Variants in DDN observed in about 807,000 individuals in gnomAD.
DDN encodes the protein dendrin.
DDN carries 4 observed loss-of-function variants against 7.3 expected under a neutral mutation model. The observed-to-expected ratio is 0.55, with a 90% CI of 0.27 to 1.25. DDN has a LOEUF of 1.25. Ranked by LOEUF, DDN falls within the 50% of genes most tolerant of loss-of-function variation. The pLI is 0.12. For synonymous variants in DDN, 425 were observed against 424.3 expected (o/e 1.00, Z -0.02); for missense variants, 933 against 974.7 (o/e 0.96, Z 0.57).
rs766654709 is a variant in DDN at position 48,997,687 on chromosome 12, G to T, written c.1189C>A (p.His397Asn). 1.9e-6 allele frequency: 3 copies of T among 1,571,880 alleles called. No individual in the cohort carries two copies. The South Asian group carries it at 3.6e-5, about 19-fold the overall frequency. The part of the protein sequence containing the change: ...IPSPKKQPPR[H>N]SQTLPRPWAP... The stretch of plus-strand genomic sequence containing the variant: ...CAGGGTCTGGGGAGTGTCTGGCTAT[G>T]GCGGGGCGGCTGCTTTTTAGGGGAG... The change falls in exon 2 of 2, where the codon CAT becomes AAT. Residue 397 changes from histidine to asparagine, a missense_variant. Physicochemically the swap from His to Asn is moderately conservative, Grantham distance 68. Coordinates refer to ENST00000421952, the MANE Select transcript of DDN (RefSeq NM_015086.2).
Position 48,998,207 on chromosome 12 carries a change from C to T in DDN, c.669G>A (p.Arg223=). 3.1e-6 allele frequency: 5 copies of T among 1,612,688 alleles called. No individual in the cohort carries two copies. The highest frequency in any genetic ancestry group is 3.4e-6 in the Non-Finnish European group (4 of 1,179,764). ...AAGGTGGAGCCACGTAGGGTGGCGGCCGGTCCCAGCGGCGTCGTGGGGCGG... is the reference window on the plus strand; with the variant it reads ...AAGGTGGAGCCACGTAGGGTGGCGGTCGGTCCCAGCGGCGTCGTGGGGCGG... ...AGTAPRRRWD[R]PPPYVAPPSY... The change falls in exon 2 of 2, where the codon CGG becomes CGA. Residue 223 remains arginine (R), a synonymous_variant. Coordinates refer to ENST00000421952, the MANE Select transcript of DDN (RefSeq NM_015086.2).
In DDN at chr12:48,997,358, A is replaced by G. The variant is rs757109267; in HGVS notation, c.1518T>C (p.Phe506=). Residue 506 remains phenylalanine, a synonymous_variant, in exon 2 of 2, where the codon TTT becomes TTC. Transcript: ENST00000421952. The stretch of plus-strand genomic sequence containing the variant: ...ACAGCCGCTTTTGACAAGGGGAAGG[A>G]AAGACCGTGGCCCCTTCACCCTCCT... The part of the protein sequence containing the change: ...GKEEGEGATV[F]PSPCQKRLSS... The G allele has an allele frequency of 2.3e-5, 37 of 1,612,310 alleles. No homozygotes were observed. The African/African-American group carries it at 3.5e-4, about 15-fold the overall frequency.
Position 48,998,011 on chromosome 12 carries a change from G to A in DDN, c.865C>T (p.Gln289Ter). 1 of 1,613,612 alleles carries A rather than the reference G, an allele frequency of 6.2e-7. No individual in the cohort carries two copies. Among genetic ancestry groups the A allele is most frequent in the Non-Finnish European group, 8.5e-7 (1 of 1,180,022 alleles). The change falls in exon 2 of 2, where the codon CAG becomes TAG. Residue 289 changes from glutamine to a stop codon, truncating the protein, a stop_gained. Coordinates refer to ENST00000421952, the MANE Select transcript of DDN (RefSeq NM_015086.2). LOFTEE classifies it low-confidence loss of function (END_TRUNC). ...GATCCCCCCAAGAGACCTTGCCCCT[G>A]TCGGAGACCCCAAGCCCCGAGGACG... ...RDVLGAWGLR[Q>*]GQGLLGGSPG... is the part of the protein sequence containing the mutation.
chr12:48,999,291 G>GCCCCCCCCCCCCCCCCCCCCCCC lies in DDN; in HGVS notation c.-5_-4insGGGGGGGGGGGGGGGGGGGGGGG. ...AGAACAGTGGGCCATCCAGCATCCT[G>GCCCCCCCCCCCCCCCCCCCCCCC]CCCCACCCCACCCCGGCCCCCCACC... On this transcript the variant is annotated 5_prime_UTR_variant, in exon 1 of 2. Coordinates refer to ENST00000421952, the MANE Select transcript of DDN (RefSeq NM_015086.2). 6.6e-7 allele frequency: 1 copy of GCCCCCCCCCCCCCCCCCCCCCCC among 1,510,114 alleles called. No homozygotes were observed. The highest frequency in any genetic ancestry group is 8.9e-7 in the Non-Finnish European group (1 of 1,125,622). 93.5% of individuals were successfully genotyped at this position (1,510,114 alleles called of 1,614,324 possible).
chr12:48,996,891 A>C lies in DDN; in HGVS notation c.1985T>G (p.Val662Gly), dbSNP rs758907453. 6 of 1,613,694 alleles carry C rather than the reference A, an allele frequency of 3.7e-6. No homozygotes were observed. Among genetic ancestry groups the C allele is most frequent in the Non-Finnish European group, 5.1e-6 (6 of 1,179,868 alleles). ...ATCTTCCTCTGGCGAACTGTTTCCA[A>C]CCTCGGGCAGGGTCCTCTCATTCCG... The part of the protein sequence containing the change: ...SWRNERTLPE[V>G]GNSSPEEDGK... The change falls in exon 2 of 2, where the codon GTT becomes GGT. Residue 662 changes from valine (V) to glycine (G), a missense_variant. By Grantham distance (109) the Val-to-Gly change is moderately radical. Coordinates refer to ENST00000421952, the MANE Select transcript of DDN (RefSeq NM_015086.2).
At position 48,996,807 on chromosome 12, in the gene DDN, G is replaced by A. The variant is rs866575815; in HGVS notation, c.2069C>T (p.Thr690Ile). The A allele has an allele frequency of 6.2e-7, 1 of 1,614,172 alleles. No homozygotes were observed. The highest frequency in any genetic ancestry group is 1.1e-5 in the South Asian group (1 of 91,084). The stretch of plus-strand genomic sequence containing the variant: ...CCTCACCCCGAAGAGGACCTCCTCG[G>A]TTTGGCTTATGACATCTAGGATCTC... ...VGEILDVISQ[T>I]EEVLFGVRDI... is the part of the protein sequence containing the mutation. Residue 690 changes from threonine (T) to isoleucine (I), a missense_variant, in exon 2 of 2, where the codon ACC (threonine) becomes ATC (isoleucine). By Grantham distance (89) the Thr-to-Ile change is moderately conservative (BLOSUM62 -1). Coordinates refer to ENST00000421952, the MANE Select transcript of DDN (RefSeq NM_015086.2).
At position 48,997,048 on chromosome 12, in the gene DDN, C is replaced by A. The variant is rs1941215886; in HGVS notation, c.1828G>T (p.Ala610Ser). ...WARTPGPYAG[A>S]LREAVSRIRR... is the part of the protein sequence containing the mutation. ...ATACGGGACACGGCTTCTCGCAGGGCCCCGGCGTAGGGCCCTGGGGTCCGC... is the reference window on the plus strand; with the variant it reads ...ATACGGGACACGGCTTCTCGCAGGGACCCGGCGTAGGGCCCTGGGGTCCGC... The change falls in exon 2 of 2, where the codon GCC (alanine) becomes TCC (serine). Residue 610 changes from alanine (A) to serine (S), a missense_variant. Physicochemically the swap from Ala to Ser is moderately conservative, Grantham distance 99. Transcript: ENST00000421952. 2 of 1,551,480 alleles carry A rather than the reference C, an allele frequency of 1.3e-6. No individual in the cohort carries two copies. The highest frequency in any genetic ancestry group is 1.7e-6 in the Non-Finnish European group (2 of 1,152,740).
Position 48,996,421 on chromosome 12 carries a change from C to T in DDN, c.*319G>A. 3.6e-6 allele frequency: 1 copy of T among 274,986 alleles called. No individual in the cohort carries two copies. Among genetic ancestry groups the T allele is most frequent in the Non-Finnish European group, 6.9e-6 (1 of 145,550 alleles). The allele number at this position is 274,986 out of a possible 1,614,324, so 17.0% of individuals were successfully genotyped here. A position where few individuals can be genotyped will look rare whatever the true frequency, so the allele number is the denominator to read the frequency against. On this transcript the variant is annotated 3_prime_UTR_variant, in exon 2 of 2. Transcript: ENST00000421952. ...CCCTACCCTGCCCTCCTATGGCTGC[C>T]ACCATCCCTGCCCTCCTGCCTGATC...
At position 48,998,093 on chromosome 12, in the gene DDN, T is replaced by C; in HGVS notation, c.783A>G (p.Pro261=). 6.2e-7 allele frequency: 1 copy of C among 1,613,976 alleles called. No homozygotes were observed. The highest frequency in any genetic ancestry group is 8.5e-7 in the Non-Finnish European group (1 of 1,180,034). Residue 261 remains proline, a synonymous_variant, in exon 2 of 2, where the codon CCA becomes CCG. Coordinates refer to ENST00000421952, the MANE Select transcript of DDN (RefSeq NM_015086.2). Reference sequence around the variant, plus strand: ...TTGTGCGCCCTCCGTCTGTCCTGGCTGGAGTCGCAGCTGGGGCTGATGAAG... The same window carrying C: ...TTGTGCGCCCTCCGTCTGTCCTGGCCGGAGTCGCAGCTGGGGCTGATGAAG... ...VPTSSAPAAT[P]ARTDGGRTKK...
Position 48,996,865 on chromosome 12 carries a change from C to G in DDN, c.2011G>C (p.Gly671Arg), listed in dbSNP as rs1592263624. Reference sequence around the variant, plus strand: ...CTGTCGCTCAGTTCCGCTGTCTTCCCATCTTCCTCTGGCGAACTGTTTCCA... The same window carrying G: ...CTGTCGCTCAGTTCCGCTGTCTTCCGATCTTCCTCTGGCGAACTGTTTCCA... ...EVGNSSPEED[G>R]KTAELSDSVG... is the part of the protein sequence containing the mutation. Residue 671 changes from glycine (G) to arginine (R), a missense_variant, in exon 2 of 2, where the codon GGG becomes CGG. Coordinates refer to ENST00000421952, the MANE Select transcript of DDN (RefSeq NM_015086.2). 5.6e-6 allele frequency: 9 copies of G among 1,614,114 alleles called. No homozygotes were observed. The highest frequency in any genetic ancestry group is 7.6e-6 in the Non-Finnish European group (9 of 1,180,052).
Position 48,999,108 on chromosome 12 carries a change from G to A in DDN, c.180C>T (p.Ser60=), listed in dbSNP as rs1415583009. ...PSRQPMDFQA[S]HWARGFQNRT... ...GGTTCTGGAACCCGCGAGCCCAGTG[G>A]CTGGCCTGGAAGTCCATGGGCTGTC... is the stretch of plus-strand genomic sequence containing the variant. Residue 60 remains serine (S), a synonymous_variant, in exon 1 of 2, where the codon AGC becomes AGT. Coordinates refer to ENST00000421952, the MANE Select transcript of DDN (RefSeq NM_015086.2). 2.5e-6 allele frequency: 4 copies of A among 1,614,106 alleles called. No homozygotes were observed. Among genetic ancestry groups the A allele is most frequent in the Non-Finnish European group, 8.5e-7 (1 of 1,179,988 alleles).
In DDN at chr12:48,997,527, T is replaced by C. The variant is rs1241427979; in HGVS notation, c.1349A>G (p.Glu450Gly). 1 of 1,608,064 alleles carries C rather than the reference T, an allele frequency of 6.2e-7. No homozygotes were observed. The highest frequency in any genetic ancestry group is 1.1e-5 in the South Asian group (1 of 90,748). Residue 450 changes from glutamate to glycine, a missense_variant, in exon 2 of 2, where the codon GAA (glutamate) becomes GGA (glycine). Coordinates refer to ENST00000421952, the MANE Select transcript of DDN (RefSeq NM_015086.2). ...CGTGGCGTCAATGACAAAGACGCCT[T>C]CCCCACGGGACAGGCCCTGGGAACT... is the stretch of plus-strand genomic sequence containing the variant. ...PRSSQGLSRG[E>G]GVFVIDATCV...
chr12:48,997,304 G>T lies in DDN; in HGVS notation c.1572C>A (p.Gly524=), dbSNP rs779991394. 3 of 1,609,184 alleles carry T rather than the reference G, an allele frequency of 1.9e-6. No homozygotes were observed. In the South Asian group the frequency reaches 3.3e-5, roughly 18 times the overall value. ...LSSSRLLHQP[G]GGRGGEAEGG... ...CCTCAGCTTCGCCCCCGCGGCCCCC[G>T]CCGGGCTGGTGTAAAAGGCGACTGC... Residue 524 remains glycine (G), a synonymous_variant, in exon 2 of 2, where the codon GGC becomes GGA. Coordinates refer to ENST00000421952, the MANE Select transcript of DDN (RefSeq NM_015086.2).
rs1941219114 is a variant in DDN, at chr12:48,997,205, G to T, written c.1671C>A (p.Asn557Lys). The T allele has an allele frequency of 6.3e-7, 1 of 1,580,070 alleles. No homozygotes were observed. The highest frequency in any genetic ancestry group is 8.6e-7 in the Non-Finnish European group (1 of 1,163,452). ...RILGLPAPEVNLRDAPTQPGS... is the reference protein window; with the variant it reads ...RILGLPAPEVKLRDAPTQPGS... ...CTGGCTGCGTGGGGGCGTCCCGCAG[G>T]TTTACTTCGGGGGCCGGGAGCCCCA... is the stretch of plus-strand genomic sequence containing the variant. Residue 557 changes from asparagine to lysine, a missense_variant, in exon 2 of 2, where the codon AAC (asparagine) becomes AAA (lysine). Physicochemically the swap from Asn to Lys is moderately conservative, Grantham distance 94. Coordinates refer to ENST00000421952, the MANE Select transcript of DDN (RefSeq NM_015086.2).
Position 48,999,185 on chromosome 12 carries a change from C to A in DDN, c.103G>T (p.Val35Leu), listed in dbSNP as rs541632446. ...CLWVQKSKLL[V>L]IEVKTISCHY... ...CAGGAAATAGTCTTCACTTCTATCACCAATAGCTTGGACTTCTGCACCCAG... is the reference window on the plus strand; with the variant it reads ...CAGGAAATAGTCTTCACTTCTATCAACAATAGCTTGGACTTCTGCACCCAG... Residue 35 changes from valine to leucine, a missense_variant, in exon 1 of 2, where the codon GTG becomes TTG. Coordinates refer to ENST00000421952, the MANE Select transcript of DDN (RefSeq NM_015086.2). 5 of 1,613,466 alleles carry A rather than the reference C, an allele frequency of 3.1e-6. No individual in the cohort carries two copies. In the East Asian group the frequency reaches 1.1e-4, roughly 36 times the overall value.
Position 48,998,655 on chromosome 12 carries a change from C to T in DDN, c.221G>A (p.Arg74His), listed in dbSNP as rs535838112. Residue 74 changes from arginine to histidine, a missense_variant, in exon 2 of 2, where the codon CGC (arginine) becomes CAC (histidine). Arg to His is a conservative substitution (Grantham distance 29, BLOSUM62 0). Coordinates refer to ENST00000421952, the MANE Select transcript of DDN (RefSeq NM_015086.2). ...GGGCGGCGGCTGTGGGGATCCCGGG[C>T]GCGGCCCACACCTGGGACAATGAGC... ...RGFQNRTCGP[R>H]PGSPQPPPRR... The T allele has an allele frequency of 2.6e-6, 4 of 1,515,182 alleles. No homozygotes were observed. Among genetic ancestry groups the T allele is most frequent in the South Asian group, 1.3e-5 (1 of 79,700 alleles). 93.9% of individuals were successfully genotyped at this position (1,515,182 alleles called of 1,614,324 possible). A position where few individuals can be genotyped will look rare whatever the true frequency, so the allele number is the denominator to read the frequency against.
In DDN at chr12:48,998,392, G is replaced by A. The variant is rs768481050; in HGVS notation, c.484C>T (p.Pro162Ser). 5 of 1,496,016 alleles carry A rather than the reference G, an allele frequency of 3.3e-6. No individual in the cohort carries two copies. Among genetic ancestry groups the A allele is most frequent in the Non-Finnish European group, 3.5e-6 (4 of 1,131,202 alleles). The allele number at this position is 1,496,016 out of a possible 1,614,324, so 92.7% of individuals were successfully genotyped here. A position where few individuals can be genotyped will look rare whatever the true frequency, so the allele number is the denominator to read the frequency against. Residue 162 changes from proline to serine, a missense_variant, in exon 2 of 2, where the codon CCC (proline) becomes TCC (serine). Coordinates refer to ENST00000421952, the MANE Select transcript of DDN (RefSeq NM_015086.2). ...RVAQLAGLPA[P>S]LRPERLAPVG... ...GGCGCCAGGCGCTCCGGCCGCAAGGGAGCAGGGAGCCCTGCCAGCTGGGCC... is the reference window on the plus strand; with the variant it reads ...GGCGCCAGGCGCTCCGGCCGCAAGGAAGCAGGGAGCCCTGCCAGCTGGGCC...
At position 48,999,204 on chromosome 12, in the gene DDN, C is replaced by T; in HGVS notation, c.84G>A (p.Val28=). 6.2e-7 allele frequency: 1 copy of T among 1,607,256 alleles called. No homozygotes were observed. The highest frequency in any genetic ancestry group is 8.5e-7 in the Non-Finnish European group (1 of 1,176,870). The stretch of plus-strand genomic sequence containing the variant: ...CTATCACCAATAGCTTGGACTTCTG[C>T]ACCCAGAGGCAGCTGCCAGACTCCT... The part of the protein sequence containing the change: ...QDEESGSCLW[V]QKSKLLVIEV... The change falls in exon 1 of 2, where the codon GTG becomes GTA. Residue 28 remains valine (V), a synonymous_variant. Coordinates refer to ENST00000421952, the MANE Select transcript of DDN (RefSeq NM_015086.2).
Position 48,997,365 on chromosome 12 carries a change from G to A in DDN, c.1511C>T (p.Thr504Met), listed in dbSNP as rs1480437023. 6.2e-7 allele frequency: 1 copy of A among 1,612,906 alleles called. No homozygotes were observed. Among genetic ancestry groups the A allele is most frequent in the Non-Finnish European group, 8.5e-7 (1 of 1,179,578 alleles). The change falls in exon 2 of 2, where the codon ACG (threonine) becomes ATG (methionine). Residue 504 changes from threonine to methionine, a missense_variant. Thr to Met is a moderately conservative substitution (Grantham distance 81). Transcript: ENST00000421952. ...CTTTTGACAAGGGGAAGGAAAGACC[G>A]TGGCCCCTTCACCCTCCTCCTTGCC... ...KPGKEEGEGA[T>M]VFPSPCQKRL...
Sources: allele counts gnomAD v4.1 joint callset, GRCh38; gene constraint gnomAD v4.1.1; transcripts MANE v1.5; gene names NCBI Gene and HGNC (gene_info 2026-07-23, HGNC 2026-07-21).